APP: variants seen among roughly 807,000 people sequenced by gnomAD.
APP encodes amyloid-beta precursor protein.
APP carries 31 observed loss-of-function variants against 101.4 expected under a neutral mutation model. The ratio of observed to expected loss-of-function variants is 0.31; its 90% CI spans 0.23 to 0.41. The LOEUF (loss-of-function observed/expected upper bound fraction) is 0.41, where lower values mean the gene tolerates loss of function less well. APP is among the 10% of genes least tolerant of loss of function. APP has a pLI of 1.00. For synonymous variants in APP, 366 were observed against 364.4 expected (o/e 1.00, Z -0.05); for missense variants, 839 against 1,003.7 (o/e 0.84, Z 2.22).
intron 13 of APP, among the ~76,000 whole-genome samples, chr21:25,947,696 G>A (rs923444726): frequency 6.6e-6 from 1 of 152,110 alleles, no homozygotes; most frequent in African/African-American, 2.4e-5. Context: ...GGCTTTGGTT[G>A]TTGATAATAT....
intron 2 of APP, among the ~76,000 whole-genome samples, chr21:26,110,615 G>C (rs1424348484): frequency 6.6e-6 from 1 of 152,016 alleles, no homozygotes; most frequent in Non-Finnish European, 1.5e-5. Flanking sequence ...ACACCAATTA[G>C]TAATTAGAGC....
At chr21:25,923,316 G>A (rs1171756299) in intron 13 of APP, among the ~76,000 whole-genome samples, 19 of 147,356 alleles carry the variant, frequency 1.3e-4, no homozygotes, top group African/African-American at 3.7e-4. Context: ...GGACATAGGC[G>A]TGGGCAAGGA....
At chr21:25,958,555 G>A (rs544489871) in intron 11 of APP, among the ~76,000 whole-genome samples, 50 of 200 alleles carry the variant, frequency 0.25, no homozygotes, top group African/African-American at 0.41. Context: ...AGGATTACAG[G>A]CGTGCGACCA....
rs2043542966 is a variant in APP, at chr21:26,006,634, G to A, written c.866-6452C>T. Among the ~76,000 whole-genome samples, 3 of 152,164 alleles carry A rather than the reference G, an allele frequency of 2.0e-5. 1 individual carries two copies. The highest frequency in any genetic ancestry group is 4.1e-4 in the South Asian group (2 of 4,836). On this transcript the variant is annotated intron_variant, in intron 6 of 17. Coordinates refer to ENST00000346798, the MANE Select transcript of APP (RefSeq NM_000484.4). ...TGCTCAACCACAAAAAATTAGTTCT[G>A]AATAGATATTTCAAATTGGAGTGAA...
In APP at chr21:25,996,328, C is replaced by T. The variant is rs536796600; in HGVS notation, c.1090+1032G>A. ...GGGGTTCCTAATGTCTAAAAGTGAC[C>T]CTTCATGTCTAAAGTTGAAACCGGG... On this transcript the variant is annotated intron_variant, in intron 8 of 17. Transcript: ENST00000346798. Among the ~76,000 whole-genome samples the T allele has an allele frequency of 3.2e-4, 48 of 152,258 alleles. 1 individual carries two copies. The South Asian group carries it at 4.3e-3, about 14-fold the overall frequency.
intron 5 of APP, among the ~76,000 whole-genome samples, chr21:26,026,166 T>G (rs1484862674): frequency 6.6e-6 from 1 of 152,170 alleles, no homozygotes; most frequent in Non-Finnish European, 1.5e-5. Flanking sequence ...AACAATCAAA[T>G]AACAACTCAC....
intron 17 of APP, among the ~76,000 whole-genome samples, chr21:25,887,650 T>G (rs979380228): frequency 1.3e-5 from 2 of 151,748 alleles, no homozygotes; most frequent in Non-Finnish European, 2.9e-5. Context: ...CATATGATGG[T>G]GGCCCCATAA....
In APP at chr21:25,975,091, A is replaced by G; in HGVS notation, c.1437T>C (p.Ala479=). The G allele has an allele frequency of 6.2e-7, 1 of 1,613,986 alleles. No homozygotes were observed. Among genetic ancestry groups the G allele is most frequent in the Non-Finnish European group, 8.5e-7 (1 of 1,179,980 alleles). Residue 479 remains alanine (A), a synonymous_variant, in exon 11 of 18, where the codon GCT becomes GCC. Coordinates refer to ENST00000346798, the MANE Select transcript of APP (RefSeq NM_000484.4). Reference sequence around the variant, plus strand: ...CTACCCGAGGAGGAACAGCCTGCAGAGCGGTGATGTAGTTCTCCAGGGCCA... The same window carrying G: ...CTACCCGAGGAGGAACAGCCTGCAGGGCGGTGATGTAGTTCTCCAGGGCCA... ...RRLALENYIT[A]LQAVPPRPRH... is the part of the protein sequence containing the mutation.
chr21:26,150,960 A>C (rs534511528), intron 1 of APP, among the ~76,000 whole-genome samples: 56 of 152,330 alleles, frequency 3.7e-4, no homozygotes, highest in African/African-American at 1.3e-3. Context: ...CTATAATGTG[A>C]AATATATAAA....
chr21:26,075,033 G>C (rs45559536), intron 3 of APP, among the ~76,000 whole-genome samples: 2,397 of 152,316 alleles, frequency 0.016, 22 homozygotes, highest in Non-Finnish European at 0.024. Context: ...AGTAAGTAAA[G>C]TAAATGATTT....
chr21:25,925,762 C>CT (rs397725988), intron 13 of APP, among the ~76,000 whole-genome samples: 3 of 151,618 alleles, frequency 2.0e-5, no homozygotes, highest in Admixed American at 6.6e-5. Flanking sequence ...TGGTGAAACC[C>CT]GTCTCTACTA....
intron 3 of APP, among the ~76,000 whole-genome samples, chr21:26,074,602 T>A (rs2061468590): frequency 6.6e-6 from 1 of 152,058 alleles, no homozygotes; most frequent in African/African-American, 2.4e-5. Flanking sequence ...AATACAAAAA[T>A]TAGCCAGGCA....
At chr21:26,087,476 A>T (rs2061726674) in intron 3 of APP, among the ~76,000 whole-genome samples, 1 of 152,260 alleles carries the variant, frequency 6.6e-6, no homozygotes, top group South Asian at 2.1e-4. Flanking sequence ...TTTGCTTAAC[A>T]TGTCACAAGT....
At chr21:26,136,975 T>C (rs2062933242) in intron 1 of APP, among the ~76,000 whole-genome samples, 1 of 152,144 alleles carries the variant, frequency 6.6e-6, no homozygotes, top group East Asian at 1.9e-4. Context: ...TCACTGCACC[T>C]ATGCCTCCTG....
intron 2 of APP, among the ~76,000 whole-genome samples, chr21:26,094,441 C>G (rs57514670): frequency 6.6e-6 from 1 of 151,910 alleles, no homozygotes; most frequent in Non-Finnish European, 1.5e-5. Context: ...AAGAAACAAA[C>G]ACGTTAAAAT....
intron 9 of APP, among the ~76,000 whole-genome samples, chr21:25,980,062 C>T (rs1305676246): frequency 6.6e-6 from 1 of 152,084 alleles, no homozygotes; most frequent in East Asian, 1.9e-4. Context: ...GAGGGCATTT[C>T]CAGAAGAACT....
rs1035531706 is a variant in APP at position 25,881,561 on chromosome 21, A to T, written c.*109T>A. 1 of 1,277,020 alleles carries T rather than the reference A, an allele frequency of 7.8e-7. No individual in the cohort carries two copies. Among genetic ancestry groups the T allele is most frequent in the Non-Finnish European group, 1.1e-6 (1 of 882,072 alleles). The allele number at this position is 1,277,020 out of a possible 1,614,324, so 79.1% of individuals were successfully genotyped here. On this transcript the variant is annotated 3_prime_UTR_variant, in exon 18 of 18. Coordinates refer to ENST00000346798, the MANE Select transcript of APP (RefSeq NM_000484.4). ...CAGCTGTCAAAAGGCGATAATGAGT[A>T]AATCATAAAACGGGTTTGTTTCTTC...
intron 14 of APP, among the ~76,000 whole-genome samples, chr21:25,910,400 G>T (rs879502686): frequency 1.3e-5 from 2 of 152,128 alleles, no homozygotes; most frequent in African/African-American, 4.8e-5. Context: ...TAAGTCCTGC[G>T]ATTACAGGCG....
intron 11 of APP, among the ~76,000 whole-genome samples, chr21:25,969,228 G>A (rs1396341069): frequency 6.7e-6 from 1 of 149,366 alleles, no homozygotes; most frequent in Non-Finnish European, 1.5e-5. Flanking sequence ...GGTGCCTGTA[G>A]TCCCAGCTAC....
Sources: gnomAD v4.1 joint callset for allele counts (sites outside exome capture counted in the v4.1 genomes callset) on GRCh38, gnomAD v4.1.1 for gene constraint, MANE v1.5 for transcripts, NCBI Gene and HGNC (gene_info 2026-07-23, HGNC 2026-07-21) for gene names.